The following SDK1 variants were observed in gnomAD, a reference collection of about 807,000 sequenced individuals.
The protein encoded by SDK1 is protein sidekick-1.
A neutral mutation model predicts 245.5 loss-of-function variants in SDK1; 157 were observed. The ratio of observed to expected loss-of-function variants is 0.64; its 90% CI spans 0.56 to 0.73. The LOEUF (loss-of-function observed/expected upper bound fraction) is 0.73, where lower values mean the gene tolerates loss of function less well. SDK1 is among the 30% of genes least tolerant of loss of function. The pLI, the probability that SDK1 is intolerant of heterozygous loss-of-function variation, is 0.00. For synonymous variants in SDK1, 1,647 were observed against 1,278.5 expected, an observed-to-expected ratio of 1.29 and a Z score of -6.15; for missense variants, 3,583 against 3,002.3, an observed-to-expected ratio of 1.19 and a Z score of -4.52.
At chr7:4,019,943 G>T (rs1786746479) in intron 17 of SDK1, among the ~76,000 whole-genome samples, 1 of 152,196 alleles carries the variant, frequency 6.6e-6, no homozygotes, top group Non-Finnish European at 1.5e-5. Context: ...CTCCCTCTCT[G>T]GATGTCTCGG....
chr7:3,837,887 C>CTG (rs1345414606), intron 5 of SDK1, among the ~76,000 whole-genome samples: 1 of 152,172 alleles, frequency 6.6e-6, no homozygotes, highest in Non-Finnish European at 1.5e-5. Context: ...CCTAGTCAAA[C>CTG]TGGCCACATG....
intron 4 of SDK1, among the ~76,000 whole-genome samples, chr7:3,809,728 G>C (rs974274428): frequency 2.6e-5 from 4 of 152,172 alleles, no homozygotes; most frequent in African/African-American, 9.7e-5. Context: ...GTCCAGCCAC[G>C]AAGACATAAT....
At chr7:3,432,692 T>C (rs1335873525) in intron 1 of SDK1, among the ~76,000 whole-genome samples, 2 of 152,158 alleles carry the variant, frequency 1.3e-5, no homozygotes, top group Non-Finnish European at 2.9e-5. Context: ...GACTGTAGCC[T>C]GCACTGTCAT....
intron 22 of SDK1, among the ~76,000 whole-genome samples, chr7:4,082,361 C>G (rs1781112395): frequency 6.6e-6 from 1 of 151,784 alleles, no homozygotes; most frequent in South Asian, 2.1e-4. Context: ...CATGTGAAAC[C>G]CCATCTCTAC....
At chr7:4,250,181 C>T (rs1378036675) in intron 44 of SDK1, among the ~76,000 whole-genome samples, 1 of 152,196 alleles carries the variant, frequency 6.6e-6, no homozygotes. Flanking sequence ...TTTCCCTTAG[C>T]ATGATGATTG....
chr7:4,120,373 G>A (rs1248698885), intron 25 of SDK1, among the ~76,000 whole-genome samples: 1 of 148,708 alleles, frequency 6.7e-6, no homozygotes, highest in Non-Finnish European at 1.5e-5. Flanking sequence ...AACAATTGGA[G>A]TGAAAGGCAA....
At chr7:3,968,703 G>A (rs1235725330) in intron 10 of SDK1, among the ~76,000 whole-genome samples, 3 of 152,234 alleles carry the variant, frequency 2.0e-5, no homozygotes, top group Non-Finnish European at 4.4e-5. Context: ...TATTGAGCAA[G>A]TAGGATGTTC....
At chr7:3,734,972 C>A (rs186595277) in intron 4 of SDK1, among the ~76,000 whole-genome samples, 1 of 152,236 alleles carries the variant, frequency 6.6e-6, no homozygotes, top group East Asian at 1.9e-4. Flanking sequence ...ACGTGCACAT[C>A]CCCTATGTGT....
chr7:3,893,000 G>A (rs747510306), intron 5 of SDK1, among the ~76,000 whole-genome samples: 1 of 152,204 alleles, frequency 6.6e-6, no homozygotes, highest in East Asian at 1.9e-4. Context: ...AGTAGAAGGA[G>A]CATGAGTTTA....
At chr7:4,132,448 G>A (rs370492127) in intron 28 of SDK1, 25 bp downstream of exon 28, 294 of 1,541,774 alleles carry the variant, frequency 1.9e-4, no homozygotes, top group Non-Finnish European at 2.3e-4. Context: ...GTGGCCGGGC[G>A]TGGTGGCTCA....
intron 1 of SDK1, among the ~76,000 whole-genome samples, chr7:3,416,957 G>C (rs1361673816): frequency 6.6e-6 from 1 of 152,158 alleles, no homozygotes; most frequent in East Asian, 1.9e-4. Flanking sequence ...TGGATCACCT[G>C]AGGTCAGGAG....
intron 1 of SDK1, among the ~76,000 whole-genome samples, chr7:3,464,639 A>G (rs1165731143): frequency 6.6e-6 from 1 of 152,038 alleles, no homozygotes; most frequent in African/African-American, 2.4e-5. Context: ...AACAAGGATA[A>G]TAAATGAAGC....
intron 4 of SDK1, among the ~76,000 whole-genome samples, chr7:3,788,406 G>A (rs944923915): frequency 2.4e-4 from 36 of 152,192 alleles, no homozygotes; most frequent in African/African-American, 8.4e-4. Context: ...GAGAGTCTGT[G>A]CAGAGGGGAT....
chr7:3,758,330 T>G (rs1167251371), intron 4 of SDK1, among the ~76,000 whole-genome samples: 1 of 152,238 alleles, frequency 6.6e-6, no homozygotes, highest in Non-Finnish European at 1.5e-5. Flanking sequence ...TTCCTACATT[T>G]GTTTTTTGGA....
chr7:3,594,459 A>C (rs1780986494), intron 1 of SDK1, among the ~76,000 whole-genome samples: 1 of 152,114 alleles, frequency 6.6e-6, no homozygotes, highest in Non-Finnish European at 1.5e-5. Flanking sequence ...GTTTCTCTTG[A>C]GTATATACCT....
At chr7:3,912,709 C>A (rs1779218596) in intron 5 of SDK1, among the ~76,000 whole-genome samples, 1 of 152,250 alleles carries the variant, frequency 6.6e-6, no homozygotes, top group African/African-American at 2.4e-5. Flanking sequence ...TATCATTCTC[C>A]TCTGGCAGAG....
Position 3,759,283 on chromosome 7 carries a change from G to T in SDK1, c.714-62167G>T, listed in dbSNP as rs541955879. Among the ~76,000 whole-genome samples, 151 of 152,264 alleles carry T rather than the reference G, an allele frequency of 9.9e-4. 1 individual carries two copies. Among genetic ancestry groups the T allele is most frequent in the Non-Finnish European group, 1.7e-3 (113 of 68,004 alleles). On this transcript the variant is annotated intron_variant, in intron 4 of 44. Transcript: ENST00000404826. The stretch of plus-strand genomic sequence containing the variant: ...AAAGATCAATCTCTAAATAGAAAGT[G>T]GGAATGTTTAATAGGGAATGCTCAT...
At chr7:4,115,877 G>T (rs1352972502) in intron 25 of SDK1, among the ~76,000 whole-genome samples, 1 of 152,228 alleles carries the variant, frequency 6.6e-6, no homozygotes, top group African/African-American at 2.4e-5. Flanking sequence ...AACTCAGAGT[G>T]ACTTTGATGG....
At chr7:3,905,173 T>G (rs1015273693) in intron 5 of SDK1, among the ~76,000 whole-genome samples, 4 of 152,064 alleles carry the variant, frequency 2.6e-5, no homozygotes, top group African/African-American at 9.7e-5. Context: ...CATAGATAAC[T>G]TCACCATTTT....
Sources: allele counts gnomAD v4.1 joint callset (sites outside exome capture counted in the v4.1 genomes callset), GRCh38; gene constraint gnomAD v4.1.1; transcripts MANE v1.5; gene names NCBI Gene and HGNC (gene_info 2026-07-23, HGNC 2026-07-21).